ERICH1: variants seen among roughly 807,000 people sequenced by gnomAD.
ERICH1 encodes the protein glutamate rich 1.
In ERICH1, 56 loss-of-function variants were observed where a neutral mutation model predicts 39.6. That is an observed-to-expected ratio of 1.41 (90% CI 1.14 to 1.77). The LOEUF is 1.77. Among genes scored for constraint, ERICH1 ranks in the 40% most tolerant of loss-of-function variants. The pLI, the probability that ERICH1 is intolerant of heterozygous loss-of-function variation, is 0.00. For synonymous variants in ERICH1, 313 were observed against 223.6 expected (o/e 1.40, Z -3.57); for missense variants, 826 against 575.4 (o/e 1.44, Z -4.45).
intron 3 of ERICH1, among the ~76,000 whole-genome samples, chr8:641,407 A>G (rs914675815): frequency 6.6e-6 from 1 of 152,254 alleles, no homozygotes; most frequent in African/African-American, 2.4e-5. Flanking sequence ...AAAGAGAAAA[A>G]GAAATCCCCA....
At chr8:718,852 G>A (rs530799457) in intron 1 of ERICH1, among the ~76,000 whole-genome samples, 2 of 152,332 alleles carry the variant, frequency 1.3e-5, no homozygotes, top group East Asian at 3.9e-4. Flanking sequence ...CACACGAGCA[G>A]ATTCGAGAGG....
At chr8:636,884 C>T (rs1247796968) in intron 3 of ERICH1, among the ~76,000 whole-genome samples, 4 of 152,246 alleles carry the variant, frequency 2.6e-5, no homozygotes, top group Non-Finnish European at 4.4e-5. Context: ...CATTTCCCAG[C>T]CTGCACAGCC....
chr8:670,875 G>A (rs545395851), intron 4 of ERICH1, among the ~76,000 whole-genome samples: 59 of 151,598 alleles, frequency 3.9e-4, no homozygotes, highest in African/African-American at 1.2e-3. Flanking sequence ...TGAGCCCACC[G>A]GTCCCCAGGA....
chr8:670,237 A>G (rs1033344494), intron 4 of ERICH1, among the ~76,000 whole-genome samples: 2 of 152,164 alleles, frequency 1.3e-5, no homozygotes, highest in Admixed American at 1.3e-4. Flanking sequence ...AGTAGATTCA[A>G]ATTACCTGGC....
At chr8:713,846 A>G (rs1313265243) in intron 2 of ERICH1, among the ~76,000 whole-genome samples, 1 of 152,156 alleles carries the variant, frequency 6.6e-6, no homozygotes, top group East Asian at 1.9e-4. Context: ...CCACTATACA[A>G]ACACGAACGA....
At chr8:665,148 G>A (rs375868778) in intron 5 of ERICH1, among the ~76,000 whole-genome samples, 15 of 152,140 alleles carry the variant, frequency 9.9e-5, no homozygotes, top group African/African-American at 2.4e-4. Flanking sequence ...TGGCAGCGCC[G>A]GCCAAAGGCA....
At chr8:643,342 A>AG (rs1280284547) in intron 3 of ERICH1, among the ~76,000 whole-genome samples, 1 of 152,188 alleles carries the variant, frequency 6.6e-6, no homozygotes, top group East Asian at 1.9e-4. Flanking sequence ...GGTGTGGCAC[A>AG]GGGGGACCAA....
chr8:727,467 C>A (rs1819040464), intron 1 of ERICH1, among the ~76,000 whole-genome samples: 1 of 152,226 alleles, frequency 6.6e-6, no homozygotes, highest in South Asian at 2.1e-4. Flanking sequence ...CAGCAAGGCA[C>A]TGGCAGCTCC....
chr8:621,525 A>G (rs1186159240), intron 3 of ERICH1, among the ~76,000 whole-genome samples: 2 of 151,656 alleles, frequency 1.3e-5, no homozygotes, highest in Admixed American at 6.6e-5. Context: ...AAATAATTAA[A>G]TAATTAAAAA....
intron 3 of ERICH1, among the ~76,000 whole-genome samples, chr8:655,390 A>G (rs536611132): frequency 6.6e-6 from 1 of 152,340 alleles, no homozygotes; most frequent in South Asian, 2.1e-4. Context: ...CCAGGAGCGT[A>G]TGTAATAGGA....
intron 3 of ERICH1, among the ~76,000 whole-genome samples, chr8:631,053 A>T (rs2117114289): frequency 6.6e-6 from 1 of 151,488 alleles, no homozygotes; most frequent in East Asian, 2.0e-4. Context: ...CACCACCCAC[A>T]TTGACAGAGC....
chr8:620,053 C>T (rs2117024596), intron 3 of ERICH1, among the ~76,000 whole-genome samples: 1 of 152,324 alleles, frequency 6.6e-6, no homozygotes, highest in African/African-American at 2.4e-5. Context: ...GTGGCTCACA[C>T]CTGTAATCCC....
chr8:662,468 G>C (rs13253212), downstream of ERICH1, among the ~76,000 whole-genome samples: 29,199 of 123,364 alleles, frequency 0.24, 3,423 homozygotes, highest in Middle Eastern at 0.36. Flanking sequence ...GACCAACATG[G>C]AGAAACCCTT....
chr8:668,463 T>A (rs1802623331), intron 5 of ERICH1, 135 bp downstream of exon 5: 1 of 797,896 alleles, frequency 1.3e-6, no homozygotes, highest in East Asian at 2.6e-5. Context: ...TCTCTGGGAC[T>A]CTATTCTCCC....
chr8:707,542 A>G (rs963357313), intron 2 of ERICH1, among the ~76,000 whole-genome samples: 1 of 152,146 alleles, frequency 6.6e-6, no homozygotes, highest in Non-Finnish European at 1.5e-5. Flanking sequence ...AGTCCACTTG[A>G]TGGGGAAATG....
At chr8:625,449 T>C (rs1400922868) in intron 3 of ERICH1, among the ~76,000 whole-genome samples, 1 of 151,836 alleles carries the variant, frequency 6.6e-6, no homozygotes, top group Non-Finnish European at 1.5e-5. Context: ...GGAAGAAGAT[T>C]AGGGGTTGCT....
At chr8:641,796 C>A (rs1310586501) in intron 3 of ERICH1, among the ~76,000 whole-genome samples, 1 of 152,190 alleles carries the variant, frequency 6.6e-6, no homozygotes, top group East Asian at 1.9e-4. Context: ...ATGAAGCTCT[C>A]TTTGGTTCCT....
chr8:726,930 A>G lies in ERICH1; in HGVS notation c.22+4210T>C, dbSNP rs377288056. Among the ~76,000 whole-genome samples the G allele has an allele frequency of 1.9e-3, 293 of 151,444 alleles. 8 individuals are homozygous for G. Among genetic ancestry groups the G allele is most frequent in the African/African-American group, 6.8e-3 (282 of 41,168 alleles). On this transcript the variant is annotated intron_variant, in intron 1 of 5. Coordinates refer to ENST00000262109, the MANE Select transcript of ERICH1 (RefSeq NM_207332.3). Reference sequence around the variant, plus strand: ...CATGTACACACAGACCACATGCAAAACACACATACATACACCACACAGGCA... The same window carrying G: ...CATGTACACACAGACCACATGCAAAGCACACATACATACACCACACAGGCA...
chr8:678,893 C>T (rs1227242055), intron 3 of ERICH1, among the ~76,000 whole-genome samples: 2 of 152,134 alleles, frequency 1.3e-5, no homozygotes, highest in Non-Finnish European at 2.9e-5. Context: ...CTCCAACGTC[C>T]CTCACGGCTC....
Sources: gnomAD v4.1 joint callset for allele counts (sites outside exome capture counted in the v4.1 genomes callset) on GRCh38, gnomAD v4.1.1 for gene constraint, MANE v1.5 for transcripts, NCBI Gene and HGNC (gene_info 2026-07-23, HGNC 2026-07-21) for gene names.